Variants in CHRM3 observed in about 807,000 individuals in gnomAD.
CHRM3 encodes cholinergic receptor muscarinic 3.
Under a neutral mutation model 41.8 loss-of-function variants are expected in CHRM3, and 11 were observed. The observed-to-expected ratio is 0.26, with a 90% confidence interval of 0.17 to 0.44. The LOEUF is 0.44. CHRM3 is among the 20% of genes least tolerant of loss of function. CHRM3 has a pLI of 1.00. For missense variants in CHRM3, 571 were observed against 745.4 expected (o/e 0.77, Z 2.72); for synonymous variants, 297 against 301.4 (o/e 0.99, Z 0.15).
At chr1:239,417,247 T>G (rs2103077081) in intron 1 of CHRM3, among the ~76,000 whole-genome samples, 1 of 152,334 alleles carries the variant, frequency 6.6e-6, no homozygotes, top group African/African-American at 2.4e-5. Context: ...GAGAAAAATT[T>G]TATGAAATGA....
intron 5 of CHRM3, among the ~76,000 whole-genome samples, chr1:239,709,193 G>T (rs3738436): frequency 0.4 from 61,285 of 151,940 alleles, 12,659 homozygotes; most frequent in Middle Eastern, 0.51. Context: ...TGAAACTCAG[G>T]CCAGTCACAT....
intron 4 of CHRM3, 41 bp from the exon 5 acceptor site, chr1:239,678,145 T>A (rs1401780364): frequency 6.6e-6 from 1 of 152,234 alleles, no homozygotes; most frequent in Non-Finnish European, 1.5e-5. Context: ...GTTGTTCTTT[T>A]ATCTTATTTT....
intron 1 of CHRM3, among the ~76,000 whole-genome samples, chr1:239,388,385 C>G (rs1222930022): frequency 6.6e-6 from 1 of 152,184 alleles, no homozygotes; most frequent in Non-Finnish European, 1.5e-5. Context: ...AGTTCCAAGA[C>G]AGATAACCTG....
At chr1:239,448,052 G>T (rs760378517) in intron 1 of CHRM3, among the ~76,000 whole-genome samples, 1 of 152,082 alleles carries the variant, frequency 6.6e-6, no homozygotes, top group African/African-American at 2.4e-5. Context: ...ACCATTTCAC[G>T]GTGACATAAT....
intron 5 of CHRM3, among the ~76,000 whole-genome samples, chr1:239,771,625 A>G (rs1020592011): frequency 2.0e-5 from 3 of 152,218 alleles, no homozygotes; most frequent in Non-Finnish European, 4.4e-5. Context: ...AAGGGTCGGC[A>G]AACATTTTCT....
chr1:239,876,304 A>G (rs1006364413), intron 6 of CHRM3, among the ~76,000 whole-genome samples: 3 of 152,204 alleles, frequency 2.0e-5, no homozygotes, highest in African/African-American at 4.8e-5. Context: ...ATTGGTATGC[A>G]TTTATTGTTA....
At chr1:239,567,034 A>T (rs2148516844) in intron 3 of CHRM3, among the ~76,000 whole-genome samples, 1 of 152,360 alleles carries the variant, frequency 6.6e-6, no homozygotes, top group African/African-American at 2.4e-5. Context: ...GAGCAATCAT[A>T]GATTTTATAA....
intron 6 of CHRM3, among the ~76,000 whole-genome samples, chr1:239,884,957 C>A (rs987013648): frequency 2.6e-5 from 4 of 152,116 alleles, no homozygotes; most frequent in Admixed American, 6.5e-5. Context: ...ATGAGTCATG[C>A]CGCTGGCCTT....
In CHRM3 at chr1:239,908,492, G is replaced by C. The variant is rs1382621395; in HGVS notation, c.1041G>C (p.Glu347Asp). 2.5e-6 allele frequency: 4 copies of C among 1,607,742 alleles called. No individual in the cohort carries two copies. The African/African-American group carries it at 5.4e-5, about 22-fold the overall frequency. Residue 347 changes from glutamate to aspartate, a missense_variant, in exon 7 of 7, where the codon GAG becomes GAC. Transcript: ENST00000676153. This position sits in a 1 kb window ranked among gnomAD's most constrained non-coding sequence, Gnocchi z 7.2. ...ACAATGATGCTGCTGCCTCCCTGGA[G>C]AACTCCGCCTCCTCCGACGAGGAGG... ...WNNNDAAASLENSASSDEEDI... is the reference protein window; with the variant it reads ...WNNNDAAASLDNSASSDEEDI...
At chr1:239,610,975 C>T (rs532894085) in intron 3 of CHRM3, among the ~76,000 whole-genome samples, 23 of 152,138 alleles carry the variant, frequency 1.5e-4, no homozygotes, top group African/African-American at 4.8e-4. Flanking sequence ...TCGCTTGAAC[C>T]GGGAGGTAGA....
At chr1:239,420,980 G>T (rs987357838) in intron 1 of CHRM3, among the ~76,000 whole-genome samples, 1 of 152,020 alleles carries the variant, frequency 6.6e-6, no homozygotes, top group South Asian at 2.1e-4. Flanking sequence ...GTTTTTGAGG[G>T]AGAAAAAGGC....
At chr1:239,562,887 CCAAAAAA>C (rs1661008150) in intron 3 of CHRM3, among the ~76,000 whole-genome samples, 1 of 125,664 alleles carries the variant, frequency 8.0e-6, no homozygotes, top group African/African-American at 3.2e-5. Flanking sequence ...AACTCTGTCT[CCAAAAAA>C]AAAAAAAAAA....
intron 6 of CHRM3, among the ~76,000 whole-genome samples, chr1:239,867,401 G>T (rs1302969965): frequency 1.3e-5 from 2 of 152,168 alleles, no homozygotes; most frequent in Admixed American, 6.5e-5. Flanking sequence ...CGAAAGTCAT[G>T]TATGGGCTGG....
chr1:239,567,429 T>C (rs1236119368), intron 3 of CHRM3, among the ~76,000 whole-genome samples: 1 of 152,198 alleles, frequency 6.6e-6, no homozygotes, highest in East Asian at 1.9e-4. Flanking sequence ...CTCAATATGC[T>C]GATACATTAC....
At chr1:239,456,255 C>A (rs542357847) in intron 1 of CHRM3, among the ~76,000 whole-genome samples, 1 of 152,236 alleles carries the variant, frequency 6.6e-6, no homozygotes, top group East Asian at 1.9e-4. Context: ...GGTTTCATGA[C>A]TAACTCACCC....
chr1:239,464,607 C>T (rs1395809252), intron 1 of CHRM3, among the ~76,000 whole-genome samples: 1 of 152,170 alleles, frequency 6.6e-6, no homozygotes, highest in Admixed American at 6.5e-5. Context: ...AATTATTTGA[C>T]ATTCTTCCCA....
intron 3 of CHRM3, among the ~76,000 whole-genome samples, chr1:239,614,090 A>G (rs1572932188): frequency 6.6e-6 from 1 of 152,320 alleles, no homozygotes; most frequent in East Asian, 1.9e-4. Flanking sequence ...TCTCTTGAGC[A>G]TGGGAGTTTG....
chr1:239,526,232 G>A (rs1669985596), intron 2 of CHRM3, among the ~76,000 whole-genome samples: 1 of 152,054 alleles, frequency 6.6e-6, no homozygotes, highest in Non-Finnish European at 1.5e-5. Flanking sequence ...AACAGTCCAT[G>A]AAAAAGGTCT....
chr1:239,851,419 T>C (rs770499718), intron 6 of CHRM3, among the ~76,000 whole-genome samples: 17 of 152,226 alleles, frequency 1.1e-4, no homozygotes, highest in Non-Finnish European at 2.4e-4. Context: ...TATCTTCCAA[T>C]ATTATTTGGC....
Sources: allele counts gnomAD v4.1 joint callset (sites outside exome capture counted in the v4.1 genomes callset), GRCh38; gene constraint gnomAD v4.1.1; non-coding constraint Gnocchi (gnomAD v3.1); transcripts MANE v1.5; gene names NCBI Gene and HGNC (gene_info 2026-07-23, HGNC 2026-07-21).